The following AGBL1 variants were observed in gnomAD, a reference collection of about 807,000 sequenced individuals.
AGBL1 encodes cytosolic carboxypeptidase 4.
A neutral mutation model predicts 118.9 loss-of-function variants in AGBL1; 130 were observed. The observed-to-expected ratio is 1.09, with a 90% CI of 0.95 to 1.26. The LOEUF is 1.26. Among genes scored for constraint, AGBL1 ranks in the 50% most tolerant of loss-of-function variants. The pLI, the probability that AGBL1 is intolerant of heterozygous loss-of-function variation, is 0.00. For missense variants in AGBL1, 1,584 were observed against 1,298.1 expected (o/e 1.22, Z -3.38); for synonymous variants, 555 against 478.9 (o/e 1.16, Z -2.08).
intron 5 of AGBL1, among the ~76,000 whole-genome samples, chr15:86,188,882 G>GA (rs1376843250): frequency 2.6e-5 from 4 of 152,146 alleles, no homozygotes; most frequent in Admixed American, 6.6e-5. Flanking sequence ...GAGAATGGGG[G>GA]AAAAAGAGTA....
chr15:86,294,051 A>C lies in AGBL1; in HGVS notation c.2221-1204A>C, dbSNP rs74758460. On this transcript the variant is annotated intron_variant, in intron 16 of 22. Coordinates refer to ENST00000614907, the MANE Select transcript of AGBL1 (RefSeq NM_001386094.1). ...GTGGGGAAAATCTCTTAGCCTCTCT[A>C]TGACTGGTGCCCCTGTTTTGATTAG... Among the ~76,000 whole-genome samples the C allele has an allele frequency of 5.4e-4, 82 of 152,116 alleles. 1 individual carries two copies. The East Asian group carries it at 0.01, about 19-fold the overall frequency.
intron 21 of AGBL1, among the ~76,000 whole-genome samples, chr15:86,634,250 AGAATTTGTATGTAG>A (rs1255744066): frequency 2.0e-5 from 3 of 152,218 alleles, no homozygotes; most frequent in Non-Finnish European, 4.4e-5. Flanking sequence ...TGTCCACACA[AGAATTTGTATGTAG>A]GTATTTATAG....
At chr15:86,511,536 G>A (rs1419701134) in intron 18 of AGBL1, among the ~76,000 whole-genome samples, 1 of 152,008 alleles carries the variant, frequency 6.6e-6, no homozygotes, top group Non-Finnish European at 1.5e-5. Flanking sequence ...TTATTCAGAG[G>A]CTACTCTAGC....
intron 19 of AGBL1, among the ~76,000 whole-genome samples, chr15:86,537,437 T>C (rs1264405501): frequency 6.6e-6 from 1 of 152,154 alleles, no homozygotes; most frequent in African/African-American, 2.4e-5. Flanking sequence ...CTACTGCTTC[T>C]CTCCCTTCAA....
chr15:86,174,070 C>G (rs1189016091), intron 5 of AGBL1, among the ~76,000 whole-genome samples: 3 of 151,992 alleles, frequency 2.0e-5, no homozygotes, highest in Non-Finnish European at 4.4e-5. Context: ...AATATCAATT[C>G]TTTCAATCCA....
chr15:86,156,789 T>TTTC (rs397969808), intron 4 of AGBL1, among the ~76,000 whole-genome samples: 1 of 77,598 alleles, frequency 1.3e-5, no homozygotes, highest in Non-Finnish European at 2.3e-5. Context: ...TTTTTTCTTT[T>TTTC]CTTTCTTTTT....
intron 18 of AGBL1, among the ~76,000 whole-genome samples, chr15:86,408,085 T>C (rs1408550263): frequency 6.6e-6 from 1 of 152,144 alleles, no homozygotes; most frequent in African/African-American, 2.4e-5. Flanking sequence ...TTTCTTTCTT[T>C]CCCTGTCTCT....
intron 18 of AGBL1, among the ~76,000 whole-genome samples, chr15:86,482,679 A>T (rs2082667274): frequency 6.6e-6 from 1 of 152,132 alleles, no homozygotes; most frequent in African/African-American, 2.4e-5. Context: ...ATGTAGTTTT[A>T]CATGTAACCT....
chr15:86,381,022 A>G (rs1007226300), intron 17 of AGBL1, among the ~76,000 whole-genome samples: 5 of 152,182 alleles, frequency 3.3e-5, no homozygotes, highest in African/African-American at 1.2e-4. Flanking sequence ...ACATATACTC[A>G]GGGGCCTTTT....
chr15:86,674,234 T>A lies in AGBL1; in HGVS notation c.2995-39T>A, dbSNP rs1194817216. 1.9e-6 allele frequency: 3 copies of A among 1,572,634 alleles called. No homozygotes were observed. In the Admixed American group the frequency reaches 5.3e-5, roughly 28 times the overall value. On this transcript the variant is annotated intron_variant, in intron 21 of 22. Transcript: ENST00000614907. ...TCAAAGTGTCACCACTCAGCTCCCA[T>A]TATACGTTGCCACAGTTAATGCTTT...
intron 21 of AGBL1, among the ~76,000 whole-genome samples, chr15:86,666,459 A>C (rs2085646398): frequency 6.6e-6 from 1 of 152,134 alleles, no homozygotes; most frequent in East Asian, 1.9e-4. Flanking sequence ...TTTAGGATAT[A>C]ATCAGTCTTC....
chr15:86,657,477 C>G (rs1450990063), intron 21 of AGBL1, among the ~76,000 whole-genome samples: 1 of 152,132 alleles, frequency 6.6e-6, no homozygotes, highest in Admixed American at 6.6e-5. Context: ...AGAAAATACT[C>G]TGTGTGTGTT....
chr15:86,675,860 G>A lies in AGBL1; in HGVS notation c.3158+1424G>A, dbSNP rs1444992232. Among the ~76,000 whole-genome samples, 7 of 152,222 alleles carry A rather than the reference G, an allele frequency of 4.6e-5. No individual in the cohort carries two copies. The East Asian group carries it at 9.7e-4, about 21-fold the overall frequency. ...ATTGCTTGCTTTCGTCAAATTGATTGTGCCCGTCTGTTTGATCCAATTCAG... is the reference window on the plus strand; with the variant it reads ...ATTGCTTGCTTTCGTCAAATTGATTATGCCCGTCTGTTTGATCCAATTCAG... On this transcript the variant is annotated intron_variant, in intron 22 of 22. Coordinates refer to ENST00000614907, the MANE Select transcript of AGBL1 (RefSeq NM_001386094.1).
intron 22 of AGBL1, among the ~76,000 whole-genome samples, chr15:86,864,086 C>T (rs1005361209): frequency 2.6e-5 from 4 of 152,272 alleles, no homozygotes; most frequent in South Asian, 2.1e-4. Flanking sequence ...GGTAGCACAG[C>T]TTTGCATAAA....
At chr15:86,533,574 A>C (rs1445638495) in intron 19 of AGBL1, among the ~76,000 whole-genome samples, 1 of 137,576 alleles carries the variant, frequency 7.3e-6, no homozygotes, top group African/African-American at 3.0e-5. Context: ...GGGATCTAGA[A>C]CTAGAAATAC....
At chr15:86,422,827 A>G (rs2081810632) in intron 18 of AGBL1, among the ~76,000 whole-genome samples, 1 of 152,242 alleles carries the variant, frequency 6.6e-6, no homozygotes, top group African/African-American at 2.4e-5. Flanking sequence ...CTCTATGCAA[A>G]TAAACTAGAA....
chr15:86,686,076 A>G (rs1596368953), intron 22 of AGBL1, among the ~76,000 whole-genome samples: 1 of 152,172 alleles, frequency 6.6e-6, no homozygotes, highest in Admixed American at 6.6e-5. Context: ...ATCTTTATGT[A>G]TTTAATTACT....
chr15:87,023,799 T>C (rs2081694929), intron 24 of AGBL1, among the ~76,000 whole-genome samples: 1 of 151,808 alleles, frequency 6.6e-6, no homozygotes, highest in African/African-American at 2.4e-5. Flanking sequence ...CAGACCACAA[T>C]GGAATAAAAC....
At chr15:86,958,342 T>A (rs1184808058) in intron 23 of AGBL1, among the ~76,000 whole-genome samples, 2 of 152,102 alleles carry the variant, frequency 1.3e-5, no homozygotes, top group Admixed American at 1.3e-4. Context: ...TCTCCAGACA[T>A]TGCCAAATGC....
Sources: allele counts gnomAD v4.1 joint callset (sites outside exome capture counted in the v4.1 genomes callset), GRCh38; gene constraint gnomAD v4.1.1; transcripts MANE v1.5; gene names NCBI Gene and HGNC (gene_info 2026-07-23, HGNC 2026-07-21).